Variants in CNOT4 observed in about 807,000 individuals in gnomAD.
CNOT4 encodes CCR4-NOT transcription complex subunit 4.
CNOT4 carries 8 observed loss-of-function variants against 73.8 expected under a neutral mutation model. The observed-to-expected ratio is 0.11, with a 90% CI of 0.06 to 0.20. The LOEUF (loss-of-function observed/expected upper bound fraction) is 0.20, where lower values mean the gene tolerates loss of function less well. Ranked by LOEUF, CNOT4 falls within the 10% of genes least tolerant of loss-of-function variation. The probability of loss-of-function intolerance (pLI) is 1.00; values close to 1 mark genes in which losing one functional copy is unlikely to be tolerated. For synonymous variants in CNOT4, 293 were observed against 321.1 expected, an observed-to-expected ratio of 0.91 and a Z score of 0.94; for missense variants, 564 against 883.4, an observed-to-expected ratio of 0.64 and a Z score of 4.58.
chr7:135,421,763 C>T (rs1190939705), intron 3 of CNOT4, among the ~76,000 whole-genome samples: 1 of 152,172 alleles, frequency 6.6e-6, no homozygotes, highest in Non-Finnish European at 1.5e-5. Context: ...TTACTAAAAT[C>T]TCTAGTGAGT....
chr7:135,398,017 A>G (rs1012097771), intron 8 of CNOT4, 152 bp downstream of exon 8: 6 of 638,696 alleles, frequency 9.4e-6, no homozygotes, highest in Admixed American at 6.1e-5. Flanking sequence ...TTCTGGGGGG[A>G]AAAGGCTAAT....
At chr7:135,415,589 T>A (rs1180928955) in intron 3 of CNOT4, among the ~76,000 whole-genome samples, 1 of 152,062 alleles carries the variant, frequency 6.6e-6, no homozygotes, top group Non-Finnish European at 1.5e-5. Context: ...AGATCAAAGA[T>A]CTTAACTACA....
intron 10 of CNOT4, among the ~76,000 whole-genome samples, chr7:135,371,283 T>C (rs1426216446): frequency 1.3e-5 from 2 of 152,236 alleles, no homozygotes; most frequent in African/African-American, 4.8e-5. Flanking sequence ...AACCAGTCTG[T>C]GTCCTGGGCA....
chr7:135,444,185 G>A (rs899159379), intron 1 of CNOT4, among the ~76,000 whole-genome samples: 2 of 151,710 alleles, frequency 1.3e-5, no homozygotes, highest in Non-Finnish European at 2.9e-5. Context: ...ACACGAGAAT[G>A]TAAGGTAGTA....
intron 1 of CNOT4, among the ~76,000 whole-genome samples, chr7:135,495,539 G>GA (rs1803434464): frequency 6.9e-6 from 1 of 145,420 alleles, no homozygotes; most frequent in African/African-American, 2.5e-5. Context: ...AGCTGAATGT[G>GA]ATGGCATGCA....
chr7:135,384,475 C>T (rs1489679730), intron 10 of CNOT4: 7 of 508,532 alleles, frequency 1.4e-5, no homozygotes, highest in African/African-American at 3.9e-5. Context: ...TTAGTAGAGA[C>T]GGGGTTTCAC....
intron 1 of CNOT4, among the ~76,000 whole-genome samples, chr7:135,438,953 C>G (rs1799316854): frequency 6.6e-6 from 1 of 151,986 alleles, no homozygotes; most frequent in African/African-American, 2.4e-5. Context: ...CTTAACAATA[C>G]AACTAATTAT....
chr7:135,504,493 TTTA>T, intron 1 of CNOT4, among the ~76,000 whole-genome samples: 1 of 76,288 alleles, frequency 1.3e-5, no homozygotes, highest in African/African-American at 6.4e-5. Flanking sequence ...TTTTTTTATT[TTTA>T]TTTTTTTTGA....
chr7:135,408,411 A>G (rs1434478790), intron 7 of CNOT4, among the ~76,000 whole-genome samples: 1 of 152,234 alleles, frequency 6.6e-6, no homozygotes, highest in East Asian at 1.9e-4. Flanking sequence ...AATGGTTTAT[A>G]GGCATTCGCA....
chr7:135,491,207 G>A (rs1259504044), intron 1 of CNOT4, among the ~76,000 whole-genome samples: 1 of 152,162 alleles, frequency 6.6e-6, no homozygotes, highest in African/African-American at 2.4e-5. Context: ...TAAAAATAAG[G>A]AGTTACGGAG....
intron 3 of CNOT4, among the ~76,000 whole-genome samples, chr7:135,419,563 A>G (rs1371969824): frequency 6.6e-6 from 1 of 152,170 alleles, no homozygotes; most frequent in Admixed American, 6.5e-5. Context: ...TATTTAAGAA[A>G]ATCCAATGTC....
chr7:135,372,835 G>A (rs1585546760), intron 10 of CNOT4, among the ~76,000 whole-genome samples: 1 of 152,192 alleles, frequency 6.6e-6, no homozygotes, highest in East Asian at 1.9e-4. Context: ...GATTACAGGC[G>A]TGAGCCACCG....
At chr7:135,407,200 T>C (rs961338040) in intron 7 of CNOT4, among the ~76,000 whole-genome samples, 1 of 152,256 alleles carries the variant, frequency 6.6e-6, no homozygotes, top group African/African-American at 2.4e-5. Flanking sequence ...GTCAGCACCA[T>C]GCTTGTACAG....
rs552412718 is a variant in CNOT4, at chr7:135,500,206, A to T, written c.-93+9683T>A. ...CACAGTTGAGATGTTTTCAGACTCA[A>T]CTGTGGGAAACTTTGAGATCCACAT... On this transcript the variant is annotated intron_variant, in intron 1 of 11. Coordinates refer to ENST00000541284, the MANE Select transcript of CNOT4 (RefSeq NM_001190850.2). 5.9e-5 allele frequency among the ~76,000 whole-genome samples: 9 copies of T among 152,274 alleles called. No individual in the cohort carries two copies. In the East Asian group the frequency reaches 1.7e-3, roughly 29 times the overall value.
chr7:135,480,031 T>C (rs1441454236), intron 1 of CNOT4, among the ~76,000 whole-genome samples: 1 of 152,160 alleles, frequency 6.6e-6, no homozygotes, highest in Non-Finnish European at 1.5e-5. Context: ...ACTAACAATC[T>C]AAAAAAAGTT....
chr7:135,418,915 G>A (rs1048879061), intron 3 of CNOT4, among the ~76,000 whole-genome samples: 30 of 152,216 alleles, frequency 2.0e-4, no homozygotes, highest in African/African-American at 7.0e-4. Flanking sequence ...ACACATTTAA[G>A]CACTTAAAAT....
Position 135,394,121 on chromosome 7 carries a change from C to A in CNOT4, c.1424G>T (p.Arg475Met), listed in dbSNP as rs1362175457. ...LNSTFSVLPQRFPQFQQHRAV... is the reference protein window; with the variant it reads ...LNSTFSVLPQMFPQFQQHRAV... The stretch of plus-strand genomic sequence containing the variant: ...TCGGTGCTGCTGAAATTGAGGGAAC[C>A]TCTGGGGCAAGACTGAAAAGGTACT... Residue 475 changes from arginine to methionine, a missense_variant, in exon 10 of 12, where the codon AGG (arginine) becomes ATG (methionine). Arg to Met is a moderately conservative substitution (Grantham distance 91). This residue lies in a region of CNOT4 where 153 missense variants were observed against 158.7 expected (regional missense o/e 0.96). Coordinates refer to ENST00000541284, the MANE Select transcript of CNOT4 (RefSeq NM_001190850.2). The A allele has an allele frequency of 6.2e-7, 1 of 1,614,182 alleles. No individual in the cohort carries two copies. The highest frequency in any genetic ancestry group is 8.5e-7 in the Non-Finnish European group (1 of 1,180,040).
At chr7:135,493,362 C>G (rs1176283452) in intron 1 of CNOT4, among the ~76,000 whole-genome samples, 1 of 152,112 alleles carries the variant, frequency 6.6e-6, no homozygotes, top group Non-Finnish European at 1.5e-5. Context: ...GCATAGGACT[C>G]CCCACTGATC....
At chr7:135,429,675 C>T (rs1450524610) in intron 2 of CNOT4, among the ~76,000 whole-genome samples, 1 of 152,162 alleles carries the variant, frequency 6.6e-6, no homozygotes, top group African/African-American at 2.4e-5. Flanking sequence ...CCACTTCCAG[C>T]CATGAAAGTA....
Sources: allele counts gnomAD v4.1 joint callset (sites outside exome capture counted in the v4.1 genomes callset), GRCh38; gene constraint gnomAD v4.1.1; regional missense constraint gnomAD v4.1.1; transcripts MANE v1.5; gene names NCBI Gene and HGNC (gene_info 2026-07-23, HGNC 2026-07-21).